RB1: variants seen among roughly 807,000 people sequenced by gnomAD.
The protein encoded by RB1 is RB transcriptional corepressor 1, also known as retinoblastoma-associated protein.
A neutral mutation model predicts 135.4 loss-of-function variants in RB1; 18 were observed. That is an observed-to-expected ratio of 0.13 (90% CI 0.09 to 0.20). The LOEUF (loss-of-function observed/expected upper bound fraction) is 0.20, where lower values mean the gene tolerates loss of function less well. Among genes scored for constraint, RB1 ranks in the 10% least tolerant of loss-of-function variants. The probability of loss-of-function intolerance (pLI) is 1.00; values close to 1 mark genes in which losing one functional copy is unlikely to be tolerated. For missense variants in RB1, 868 were observed against 1,110.0 expected (o/e 0.78, Z 3.10); for synonymous variants, 365 against 373.2 (o/e 0.98, Z 0.25).
At chr13:48,411,498 A>G (rs756065449) in intron 17 of RB1, 1 of 1,612,920 alleles carries the variant, frequency 6.2e-7, no homozygotes, top group Non-Finnish European at 8.5e-7. Flanking sequence ...ACTTCTCCTG[A>G]CAGACCAGTT....
intron 17 of RB1, among the ~76,000 whole-genome samples, chr13:48,405,581 C>T (rs1948732625): frequency 6.6e-6 from 1 of 152,146 alleles, no homozygotes. Context: ...TCTGTGGCTG[C>T]TTTTGCACTG....
chr13:48,328,119 A>G, intron 2 of RB1: 2 of 1,014,160 alleles, frequency 2.0e-6, no homozygotes, highest in South Asian at 1.3e-5. Flanking sequence ...ATGAGATTTT[A>G]TATTCCACTC....
intron 17 of RB1, among the ~76,000 whole-genome samples, chr13:48,396,692 T>C (rs1316594657): frequency 6.6e-6 from 1 of 152,030 alleles, no homozygotes; most frequent in Non-Finnish European, 1.5e-5. Context: ...AAAGAAACTA[T>C]CTTCAGAGTG....
At chr13:48,414,107 G>T (rs1173680936) in intron 17 of RB1, among the ~76,000 whole-genome samples, 1 of 152,112 alleles carries the variant, frequency 6.6e-6, no homozygotes, top group Non-Finnish European at 1.5e-5. Context: ...CAGCACTTTG[G>T]AAGGCCGAGG....
At chr13:48,393,040 T>G (rs1165653639) in intron 17 of RB1, among the ~76,000 whole-genome samples, 2 of 152,210 alleles carry the variant, frequency 1.3e-5, no homozygotes, top group African/African-American at 4.8e-5. Context: ...ATTGCTCTTC[T>G]GAGTACTCTA....
chr13:48,462,831 A>G (rs1593537699), intron 20 of RB1, among the ~76,000 whole-genome samples: 1 of 152,308 alleles, frequency 6.6e-6, no homozygotes, highest in East Asian at 1.9e-4. Context: ...TTCCAGCACC[A>G]TTTTTTGAAG....
At chr13:48,408,468 A>G (rs1192400847) in intron 17 of RB1, among the ~76,000 whole-genome samples, 6 of 152,114 alleles carry the variant, frequency 3.9e-5, no homozygotes. Flanking sequence ...CCGTTTTATG[A>G]AAATGTTAAT....
Position 48,360,052 on chromosome 13 carries a change from T to C in RB1, c.643T>C (p.Ser215Pro), listed in dbSNP as rs748923368. ...ACAAATGGAAGATGATCTGGTGATT[T>C]CATTTCAGTTAATGCTATGTGTCCT... Reference protein sequence around the residue: ...VLQMEDDLVISFQLMLCVLDY... With the variant: ...VLQMEDDLVIPFQLMLCVLDY... The change falls in exon 7 of 27, where the codon TCA becomes CCA. Residue 215 changes from serine (S) to proline (P), a missense_variant. By Grantham distance (74) the Ser-to-Pro change is moderately conservative. This residue lies in a region of RB1 where 641 missense variants were observed against 791.3 expected (regional missense o/e 0.81). Coordinates refer to ENST00000267163, the MANE Select transcript of RB1 (RefSeq NM_000321.3). The C allele has an allele frequency of 2.5e-6, 4 of 1,612,706 alleles. No individual in the cohort carries two copies. The East Asian group carries it at 8.9e-5, about 36-fold the overall frequency.
chr13:48,463,542 A>G (rs1033491852), intron 20 of RB1, among the ~76,000 whole-genome samples, 189 bp from the exon 21 acceptor site: 1 of 152,220 alleles, frequency 6.6e-6, no homozygotes, highest in Non-Finnish European at 1.5e-5. Context: ...GGTGATTTGC[A>G]TTTTGTTCTT....
chr13:48,480,029 A>C lies in RB1; in HGVS notation c.2745A>C (p.Lys915Asn). Residue 915 changes from lysine to asparagine, a missense_variant, in exon 27 of 27, where the codon AAA becomes AAC. Coordinates refer to ENST00000267163, the MANE Select transcript of RB1 (RefSeq NM_000321.3). ...CTCGAACACGAATGCAAAAGCAGAA[A>C]ATGAATGATAGCATGGATACCTCAA... Reference protein sequence around the residue: ...TSTRTRMQKQKMNDSMDTSNK... With the variant: ...TSTRTRMQKQNMNDSMDTSNK... 1 of 1,613,550 alleles carries C rather than the reference A, an allele frequency of 6.2e-7. No homozygotes were observed. Among genetic ancestry groups the C allele is most frequent in the South Asian group, 1.1e-5 (1 of 91,056 alleles).
chr13:48,350,317 T>C (rs1952536578), intron 6 of RB1, among the ~76,000 whole-genome samples: 1 of 152,048 alleles, frequency 6.6e-6, no homozygotes, highest in Non-Finnish European at 1.5e-5. Context: ...TGAAATAATA[T>C]CAAGCATATT....
intron 23 of RB1, among the ~76,000 whole-genome samples, chr13:48,472,550 G>T (rs1450966263): frequency 6.6e-6 from 1 of 151,960 alleles, no homozygotes; most frequent in Non-Finnish European, 1.5e-5. Flanking sequence ...CCATATTATG[G>T]TGATAATGAT....
intron 9 of RB1, among the ~76,000 whole-genome samples, chr13:48,366,049 T>C (rs1402840901): frequency 6.6e-6 from 1 of 152,180 alleles, no homozygotes; most frequent in Non-Finnish European, 1.5e-5. Context: ...GGTGCAGTGA[T>C]GTATGATAGT....
At chr13:48,317,833 C>G in intron 2 of RB1, 1 of 370,116 alleles carries the variant, frequency 2.7e-6, no homozygotes, top group Non-Finnish European at 5.2e-6. Context: ...CGTGCACACG[C>G]CAGGCGGTGG....
At chr13:48,394,409 C>T (rs1327472546) in intron 17 of RB1, among the ~76,000 whole-genome samples, 2 of 152,170 alleles carry the variant, frequency 1.3e-5, no homozygotes, top group Non-Finnish European at 2.9e-5. Flanking sequence ...TAGAACCATT[C>T]ACTCCCCCGG....
intron 2 of RB1, among the ~76,000 whole-genome samples, chr13:48,340,009 T>G (rs1952428411): frequency 6.6e-6 from 1 of 152,160 alleles, no homozygotes; most frequent in Non-Finnish European, 1.5e-5. Context: ...CATATATATA[T>G]TATTATAAGT....
chr13:48,303,939 GGCCGCCACCGCC>G lies in RB1; in HGVS notation c.33_44del (p.Thr12_Ala15del). The G allele has an allele frequency of 5.3e-6, 8 of 1,509,748 alleles. No individual in the cohort carries two copies. The highest frequency in any genetic ancestry group is 7.0e-6 in the Non-Finnish European group (8 of 1,136,572). The allele number at this position is 1,509,748 out of a possible 1,614,324, so 93.5% of individuals were successfully genotyped here. The stretch of plus-strand genomic sequence containing the variant: ...TGCCGCCCAAAACCCCCCGAAAAAC[GGCCGCCACCGCC>G]GCCGCTGCCGCCGCGGAACCCCCGG... On this transcript the variant is annotated inframe_deletion, in exon 1 of 27. Transcript: ENST00000267163.
intron 6 of RB1, among the ~76,000 whole-genome samples, chr13:48,359,036 A>G (rs1308755449): frequency 6.6e-6 from 1 of 152,164 alleles, no homozygotes; most frequent in East Asian, 1.9e-4. Flanking sequence ...CTGCACATCC[A>G]GTGTTTGCTG....
chr13:48,462,977 A>C (rs924701591), intron 20 of RB1, among the ~76,000 whole-genome samples: 3 of 152,208 alleles, frequency 2.0e-5, no homozygotes, highest in Admixed American at 6.5e-5. Context: ...TACACTGTAC[A>C]CTTGGCTGTA....
Sources: gnomAD v4.1 joint callset for allele counts (sites outside exome capture counted in the v4.1 genomes callset) on GRCh38, gnomAD v4.1.1 for gene constraint, gnomAD v4.1.1 regional missense constraint, MANE v1.5 for transcripts, NCBI Gene and HGNC (gene_info 2026-07-23, HGNC 2026-07-21) for gene names.